ULK4: variants seen among roughly 807,000 people sequenced by gnomAD.
The protein encoded by ULK4 is inactive serine/threonine-protein kinase ULK4.
ULK4 carries 133 observed loss-of-function variants against 160.6 expected under a neutral mutation model. The observed-to-expected ratio is 0.83, with a 90% confidence interval of 0.72 to 0.96. ULK4 has a LOEUF of 0.96. ULK4 is among the 40% of genes least tolerant of loss of function. ULK4 has a pLI of 0.00. For synonymous variants in ULK4, 534 were observed against 539.8 expected (o/e 0.99, Z 0.15); for missense variants, 1,580 against 1,499.5 (o/e 1.05, Z -0.89).
chr3:41,813,743 G>A (rs965877258), intron 19 of ULK4, among the ~76,000 whole-genome samples: 5 of 152,302 alleles, frequency 3.3e-5, no homozygotes, highest in Admixed American at 6.5e-5. Context: ...AAATGTATGT[G>A]CCATCAATAT....
chr3:41,473,185 C>A (rs2084037501), intron 32 of ULK4, among the ~76,000 whole-genome samples: 1 of 152,212 alleles, frequency 6.6e-6, no homozygotes, highest in South Asian at 2.1e-4. Flanking sequence ...CAGAGGAACA[C>A]AAGGATGCCC....
At chr3:41,561,373 C>T (rs189953296) in intron 32 of ULK4, among the ~76,000 whole-genome samples, 1 of 152,278 alleles carries the variant, frequency 6.6e-6, no homozygotes, top group Non-Finnish European at 1.5e-5. Flanking sequence ...ATGATGCTAG[C>T]ATCATACAAT....
chr3:41,955,033 G>GT (rs1700436188), intron 1 of ULK4, among the ~76,000 whole-genome samples: 1 of 152,246 alleles, frequency 6.6e-6, no homozygotes, highest in South Asian at 2.1e-4. Flanking sequence ...GCTCACGCCT[G>GT]TAATCCCAGC....
At chr3:41,630,762 C>T (rs1316979438) in intron 30 of ULK4, among the ~76,000 whole-genome samples, 1 of 152,190 alleles carries the variant, frequency 6.6e-6, no homozygotes, top group Non-Finnish European at 1.5e-5. Context: ...TTCCCCCTGC[C>T]TCCTTTCTTA....
intron 17 of ULK4, among the ~76,000 whole-genome samples, chr3:41,847,683 C>A (rs895984085): frequency 1.3e-5 from 2 of 152,038 alleles, no homozygotes; most frequent in Admixed American, 6.5e-5. Flanking sequence ...ACAAACAGAG[C>A]TAGGGCACAT....
chr3:41,264,778 T>A (rs2125679993), intron 35 of ULK4, among the ~76,000 whole-genome samples: 1 of 152,350 alleles, frequency 6.6e-6, no homozygotes, highest in South Asian at 2.1e-4. Context: ...TTTTGGTAAC[T>A]TTTAATACAT....
chr3:41,459,431 G>A (rs889256861), intron 33 of ULK4, among the ~76,000 whole-genome samples: 12 of 152,012 alleles, frequency 7.9e-5, no homozygotes, highest in African/African-American at 1.7e-4. Context: ...TCAATGGTGC[G>A]GCTCGGATCA....
intron 30 of ULK4, among the ~76,000 whole-genome samples, chr3:41,653,481 G>C (rs767784074): frequency 5.9e-5 from 9 of 152,036 alleles, no homozygotes; most frequent in African/African-American, 7.2e-5. Context: ...ATTGTCTCCT[G>C]ATCTACTGGC....
chr3:41,670,089 T>A (rs939901602), intron 29 of ULK4, among the ~76,000 whole-genome samples: 1 of 152,182 alleles, frequency 6.6e-6, no homozygotes, highest in African/African-American at 2.4e-5. Flanking sequence ...GAAGGTAATG[T>A]GTTAAAATGC....
intron 32 of ULK4, among the ~76,000 whole-genome samples, chr3:41,486,087 C>A (rs773734690): frequency 1.2e-4 from 18 of 152,076 alleles, no homozygotes; most frequent in Non-Finnish European, 2.6e-4. Flanking sequence ...TTCCAGTTTC[C>A]TGGAGCTTTT....
intron 29 of ULK4, among the ~76,000 whole-genome samples, chr3:41,667,633 C>T: frequency 6.6e-6 from 1 of 152,192 alleles, no homozygotes; most frequent in Non-Finnish European, 1.5e-5. Context: ...GAGAGGAGCA[C>T]TCCTAGTGCC....
chr3:41,347,547 C>A (rs993367006), intron 35 of ULK4, among the ~76,000 whole-genome samples: 1 of 152,054 alleles, frequency 6.6e-6, no homozygotes, highest in Non-Finnish European at 1.5e-5. Context: ...CACTTCCTTT[C>A]CTCTCTTATA....
chr3:41,683,824 T>C lies in ULK4; in HGVS notation c.2782-2020A>G, dbSNP rs73828222. ...CTGTCTGGCACTGGAATCTGTAATA[T>C]TCTTTAAGTACATTCCCTCCCTTTG... On this transcript the variant is annotated intron_variant, in intron 27 of 36. Transcript: ENST00000301831. 3.2e-3 allele frequency among the ~76,000 whole-genome samples: 488 copies of C among 152,124 alleles called. 2 individuals carry two copies. The highest frequency in any genetic ancestry group is 0.011 in the African/African-American group (469 of 41,530).
intron 32 of ULK4, among the ~76,000 whole-genome samples, chr3:41,532,220 C>A (rs7433599): frequency 0.28 from 42,016 of 152,116 alleles, 6,257 homozygotes; most frequent in African/African-American, 0.38. Context: ...GGCTATTCCA[C>A]TGATATGCCA....
intron 17 of ULK4, among the ~76,000 whole-genome samples, chr3:41,850,843 T>C (rs2042193951): frequency 2.0e-5 from 3 of 152,202 alleles, no homozygotes; most frequent in East Asian, 1.9e-4. Flanking sequence ...TTGGCTTTTG[T>C]TGCCATTGCT....
intron 32 of ULK4, among the ~76,000 whole-genome samples, chr3:41,486,043 C>T (rs17210774): frequency 0.13 from 19,481 of 152,190 alleles, 1,532 homozygotes; most frequent in Admixed American, 0.18. Context: ...TGCTGGACAC[C>T]TCACTCTTCT....
At chr3:41,393,093 T>C (rs893063366) in intron 35 of ULK4, among the ~76,000 whole-genome samples, 5 of 152,190 alleles carry the variant, frequency 3.3e-5, no homozygotes, top group African/African-American at 1.2e-4. Context: ...CAGTCTGACC[T>C]ATATGTGTCT....
Position 41,398,229 on chromosome 3 carries a change from T to C in ULK4, c.3528A>G (p.Ser1176=), listed in dbSNP as rs776304515. The change falls in exon 35 of 37, where the codon TCA becomes TCG. Residue 1176 remains serine (S), a synonymous_variant. Transcript: ENST00000301831. ...PNEDPEIFDV[S]SKCLSILVQL... is the part of the protein sequence containing the mutation. Reference sequence around the variant, plus strand: ...GAACCAGTATAGACAGGCACTTGGATGAAACATCAAAAATCTCAGGATCTT... The same window carrying C: ...GAACCAGTATAGACAGGCACTTGGACGAAACATCAAAAATCTCAGGATCTT... 4.3e-6 allele frequency: 7 copies of C among 1,611,674 alleles called. No individual in the cohort carries two copies. The East Asian group carries it at 1.6e-4, about 36-fold the overall frequency.
chr3:41,757,048 AAAC>A (rs752803545), intron 21 of ULK4, among the ~76,000 whole-genome samples: 36 of 130,152 alleles, frequency 2.8e-4, no homozygotes, highest in Non-Finnish European at 4.9e-4. Context: ...ATAAAGAAAA[AAAC>A]CACATAAACT....
Sources: gnomAD v4.1 joint callset for allele counts (sites outside exome capture counted in the v4.1 genomes callset) on GRCh38, gnomAD v4.1.1 for gene constraint, MANE v1.5 for transcripts, NCBI Gene and HGNC (gene_info 2026-07-23, HGNC 2026-07-21) for gene names.